The following DPT variants were observed in gnomAD, a reference collection of about 807,000 sequenced individuals.
DPT encodes the protein dermatopontin, also known as tyrosine-rich acidic matrix protein.
In DPT, 21 loss-of-function variants were observed where a neutral mutation model predicts 31.2. The ratio of observed to expected loss-of-function variants is 0.67; its 90% CI spans 0.48 to 0.97. The LOEUF (loss-of-function observed/expected upper bound fraction) is 0.97, where lower values mean the gene tolerates loss of function less well. Among genes scored for constraint, DPT ranks in the 50% least tolerant of loss-of-function variants. The pLI is 0.00. For synonymous variants in DPT, 91 were observed against 86.9 expected (o/e 1.05, Z -0.26); for missense variants, 262 against 258.8 (o/e 1.01, Z -0.08).
intron 3 of DPT, among the ~76,000 whole-genome samples, chr1:168,699,319 T>G (rs1183734615): frequency 1.3e-5 from 2 of 152,174 alleles, no homozygotes; most frequent in African/African-American, 4.8e-5. Context: ...GCCTTTCATT[T>G]TCTTTATTTT....
At chr1:168,715,108 T>G (rs962942282) in intron 1 of DPT, among the ~76,000 whole-genome samples, 5 of 152,200 alleles carry the variant, frequency 3.3e-5, no homozygotes, top group Non-Finnish European at 5.9e-5. Context: ...AAGATCCCTT[T>G]CCTGTCCTAG....
intron 3 of DPT, 94 bp from the exon 4 acceptor site, chr1:168,696,709 G>T: frequency 1.7e-6 from 2 of 1,159,508 alleles, no homozygotes; most frequent in East Asian, 2.4e-5. Context: ...AACATTTGGA[G>T]GATCTGGGAA....
rs35979474 is a variant in DPT, at chr1:168,699,815, T to TA, written c.539+1201dup. Among the ~76,000 whole-genome samples the TA allele has an allele frequency of 1.5e-3, 224 of 152,304 alleles. 2 individuals are homozygous for TA. In the East Asian group the frequency reaches 0.039, roughly 26 times the overall value. Reference sequence around the variant, plus strand: ...CTGTGTAAAGTGATTATCGGCTGACTAAAAGTAGGCCAAACCAATCATTAA... The same window carrying TA: ...CTGTGTAAAGTGATTATCGGCTGACTAAAAAGTAGGCCAAACCAATCATTAA... On this transcript the variant is annotated intron_variant, in intron 3 of 3. Transcript: ENST00000367817.
chr1:168,696,610 C>T lies in DPT; in HGVS notation c.545G>A (p.Arg182His), dbSNP rs777532778. The change falls in exon 4 of 4, where the codon CGC (arginine) becomes CAC (histidine). Residue 182 changes from arginine (R) to histidine (H), a missense_variant. Transcript: ENST00000367817. ...CCGGCACATTATGAACTTCCACTGG[C>T]GATCCCTGTGGGAGGGAGAGTCAGA... ...TTTFSAVERD[R>H]QWKFIMCRMT... is the part of the protein sequence containing the mutation. 4.5e-5 allele frequency: 72 copies of T among 1,613,498 alleles called. No individual in the cohort carries two copies. The highest frequency in any genetic ancestry group is 5.8e-5 in the Non-Finnish European group (68 of 1,179,702).
At chr1:168,710,833 C>T (rs1227706409) in intron 2 of DPT, among the ~76,000 whole-genome samples, 1 of 152,072 alleles carries the variant, frequency 6.6e-6, no homozygotes, top group African/African-American at 2.4e-5. Flanking sequence ...CAGGTCTCAG[C>T]ATTCAAATAA....
rs751945033 is a variant in DPT at position 168,728,991 on chromosome 1, T to A, written c.184A>T (p.Ile62Phe). The change falls in exon 1 of 4, where the codon ATC (isoleucine) becomes TTC (phenylalanine). Residue 62 changes from isoleucine (I) to phenylalanine (F), a missense_variant. Physicochemically the swap from Ile to Phe is conservative, Grantham distance 21. Coordinates refer to ENST00000367817, the MANE Select transcript of DPT (RefSeq NM_001937.5). ...TCAGAACCTTCCTTCTTGCTGAAGA[T>A]GCTCCTCACGGCCACTATCACCTGC... ...QGQVIVAVRS[I>F]FSKKEGSDRQ... The A allele has an allele frequency of 2.1e-5, 34 of 1,614,218 alleles. 1 individual carries two copies. In the South Asian group the frequency reaches 2.6e-4, roughly 13 times the overall value.
intron 2 of DPT, among the ~76,000 whole-genome samples, chr1:168,707,420 A>T (rs1306795495): frequency 6.6e-6 from 1 of 152,158 alleles, no homozygotes; most frequent in Non-Finnish European, 1.5e-5. Context: ...AGAATAAAGC[A>T]TCAGATTTGG....
At chr1:168,713,205 G>A (rs1447878815) in intron 2 of DPT, among the ~76,000 whole-genome samples, 1 of 152,170 alleles carries the variant, frequency 6.6e-6, no homozygotes, top group Non-Finnish European at 1.5e-5. Flanking sequence ...AGTAAAAGCT[G>A]CTTTATGGAA....
chr1:168,727,480 C>T (rs1324347403), intron 1 of DPT, among the ~76,000 whole-genome samples: 1 of 152,082 alleles, frequency 6.6e-6, no homozygotes, highest in Non-Finnish European at 1.5e-5. Flanking sequence ...GATTTCCCAT[C>T]ATCACCTCTC....
intron 3 of DPT, among the ~76,000 whole-genome samples, chr1:168,697,358 T>C (rs1006445390): frequency 2.0e-5 from 3 of 152,230 alleles, no homozygotes. Flanking sequence ...CACCATGCAC[T>C]GGGCTCTGTG....
At chr1:168,704,081 G>A (rs1471715832) in intron 2 of DPT, among the ~76,000 whole-genome samples, 2 of 152,272 alleles carry the variant, frequency 1.3e-5, no homozygotes, top group Admixed American at 1.3e-4. Context: ...CAAGGAAGCA[G>A]AATGATCAGG....
chr1:168,725,215 ATTCCTTTCCT>A lies in DPT; in HGVS notation c.305+3645_305+3654del, dbSNP rs746132155. On this transcript the variant is annotated intron_variant, in intron 1 of 3. Transcript: ENST00000367817. ...CTTCCTTTGCTTTTCTTTCCTTTCC[ATTCCTTTCCT>A]TTCCTTTCCTTTCCTTTCCTTTCCT... Among the ~76,000 whole-genome samples the A allele has an allele frequency of 5.9e-3, 649 of 110,766 alleles. 5 individuals are homozygous for A. Among genetic ancestry groups the A allele is most frequent in the African/African-American group, 0.015 (413 of 27,518 alleles). 72.7% of individuals were successfully genotyped at this position (110,766 alleles called of 152,430 possible).
At chr1:168,696,688 C>T in intron 3 of DPT, 73 bp from the exon 4 acceptor site, 1 of 1,351,598 alleles carries the variant, frequency 7.4e-7, no homozygotes, top group Non-Finnish European at 1.0e-6. Flanking sequence ...GCTGGGGAAA[C>T]AGCAGCAGAG....
At chr1:168,704,235 C>T (rs1411493584) in intron 2 of DPT, among the ~76,000 whole-genome samples, 1 of 152,100 alleles carries the variant, frequency 6.6e-6, no homozygotes, top group Non-Finnish European at 1.5e-5. Flanking sequence ...CTGAGCATTG[C>T]CATACATTCC....
intron 3 of DPT, among the ~76,000 whole-genome samples, chr1:168,699,606 A>C (rs1167999169): frequency 6.6e-6 from 1 of 151,838 alleles, no homozygotes; most frequent in Non-Finnish European, 1.5e-5. Context: ...TTTTAAAAAA[A>C]AAAAGAAATT....
At chr1:168,719,700 T>C (rs1487946442) in intron 1 of DPT, among the ~76,000 whole-genome samples, 4 of 151,990 alleles carry the variant, frequency 2.6e-5, no homozygotes, top group African/African-American at 4.8e-5. Context: ...TTGTATAACA[T>C]GACCGCAGCT....
intron 1 of DPT, among the ~76,000 whole-genome samples, chr1:168,724,694 C>T (rs1650197850): frequency 6.6e-6 from 1 of 151,846 alleles, no homozygotes; most frequent in African/African-American, 2.4e-5. Context: ...ATACTCAGAA[C>T]CATGACTCAG....
At chr1:168,699,302 T>G (rs1352880601) in intron 3 of DPT, among the ~76,000 whole-genome samples, 1 of 152,078 alleles carries the variant, frequency 6.6e-6, no homozygotes, top group East Asian at 1.9e-4. Flanking sequence ...GTTCTTTGAG[T>G]TCTTGAGCCT....
intron 2 of DPT, among the ~76,000 whole-genome samples, chr1:168,713,010 G>C (rs1336618070): frequency 6.6e-6 from 1 of 152,088 alleles, no homozygotes; most frequent in Non-Finnish European, 1.5e-5. Context: ...GGGGAGAAGG[G>C]GAAAGGGGAA....
Sources: allele counts gnomAD v4.1 joint callset (sites outside exome capture counted in the v4.1 genomes callset), GRCh38; gene constraint gnomAD v4.1.1; transcripts MANE v1.5; gene names NCBI Gene and HGNC (gene_info 2026-07-23, HGNC 2026-07-21).